FSTL4: variants seen among roughly 807,000 people sequenced by gnomAD.
The protein encoded by FSTL4 is follistatin like 4, also known as follistatin-related protein 4.
Under a neutral mutation model 78.2 loss-of-function variants are expected in FSTL4, and 28 were observed. The observed-to-expected ratio is 0.36, with a 90% CI of 0.27 to 0.49. The LOEUF is 0.49. Ranked by LOEUF, FSTL4 falls within the 20% of genes least tolerant of loss-of-function variation. The probability of loss-of-function intolerance (pLI) is 0.98; values close to 1 mark genes in which losing one functional copy is unlikely to be tolerated. For missense variants in FSTL4, 922 were observed against 1,084.9 expected (o/e 0.85, Z 2.11); for synonymous variants, 422 against 440.5 (o/e 0.96, Z 0.53).
At chr5:133,404,877 A>G (rs1367287215) in intron 3 of FSTL4, among the ~76,000 whole-genome samples, 1 of 152,100 alleles carries the variant, frequency 6.6e-6, no homozygotes, top group Non-Finnish European at 1.5e-5. Context: ...CCAAATACTG[A>G]CTCAGCCTCT....
the FSTL4 span, among the ~76,000 whole-genome samples, chr5:133,799,717 C>T: frequency 7.2e-6 from 1 of 138,594 alleles, no homozygotes; most frequent in Non-Finnish European, 1.6e-5. Flanking sequence ...AACGCCTCCC[C>T]CTCCTGGCCC....
chr5:133,786,885 G>A, the FSTL4 span, among the ~76,000 whole-genome samples: 1 of 152,216 alleles, frequency 6.6e-6, no homozygotes, highest in Non-Finnish European at 1.5e-5. Flanking sequence ...CACTCATGAG[G>A]TGGGGACTAT....
intron 14 of FSTL4, among the ~76,000 whole-genome samples, chr5:133,205,610 G>A (rs575369758): frequency 3.3e-5 from 5 of 152,122 alleles, no homozygotes; most frequent in East Asian, 1.9e-4. Flanking sequence ...GTTTCAATGC[G>A]CTTTAATTTG....
At chr5:133,582,586 C>T (rs1013338272) in intron 2 of FSTL4, among the ~76,000 whole-genome samples, 2 of 152,172 alleles carry the variant, frequency 1.3e-5, no homozygotes, top group African/African-American at 2.4e-5. Flanking sequence ...CAGTAGGCAA[C>T]AGCTGGGAGA....
intron 3 of FSTL4, among the ~76,000 whole-genome samples, chr5:133,442,008 C>A (rs552979139): frequency 1.3e-5 from 2 of 152,348 alleles, no homozygotes; most frequent in African/African-American, 4.8e-5. Flanking sequence ...GTAGGGACAG[C>A]CCCTGTCACA....
At chr5:133,690,646 T>A in the FSTL4 span, among the ~76,000 whole-genome samples, 4 of 152,186 alleles carry the variant, frequency 2.6e-5, no homozygotes, top group African/African-American at 9.7e-5. Flanking sequence ...TTTCTAAATA[T>A]AAAGATGCAG....
At chr5:133,597,821 G>A (rs1317585307) in intron 2 of FSTL4, among the ~76,000 whole-genome samples, 1 of 152,232 alleles carries the variant, frequency 6.6e-6, no homozygotes, top group Non-Finnish European at 1.5e-5. Flanking sequence ...CCTAGGGACA[G>A]AGATGGGATA....
At chr5:133,516,271 G>C (rs1437255014) in intron 3 of FSTL4, among the ~76,000 whole-genome samples, 1 of 151,606 alleles carries the variant, frequency 6.6e-6, no homozygotes, top group Non-Finnish European at 1.5e-5. Context: ...AAGAAGAGGA[G>C]AAAATTATCA....
intron 3 of FSTL4, among the ~76,000 whole-genome samples, chr5:133,414,534 A>G (rs1756539453): frequency 6.6e-6 from 1 of 152,232 alleles, no homozygotes; most frequent in African/African-American, 2.4e-5. Flanking sequence ...AGGTAAAGTC[A>G]GTCTCACAGC....
At chr5:133,555,213 T>C (rs141177696) in intron 3 of FSTL4, among the ~76,000 whole-genome samples, 1 of 152,366 alleles carries the variant, frequency 6.6e-6, no homozygotes, top group Non-Finnish European at 1.5e-5. Context: ...TATGGGATCA[T>C]TACATTGACA....
At chr5:133,375,291 C>CAT (rs3975738) in intron 4 of FSTL4, among the ~76,000 whole-genome samples, 4,855 of 57,884 alleles carry the variant, frequency 0.084, 702 homozygotes, top group African/African-American at 0.18. Flanking sequence ...GTGTGCATGG[C>CAT]ATATATATAT....
chr5:133,203,511 G>C (rs528068741), intron 14 of FSTL4, among the ~76,000 whole-genome samples: 1 of 152,312 alleles, frequency 6.6e-6, no homozygotes, highest in African/African-American at 2.4e-5. Context: ...CTGGGCTGGA[G>C]TGATGCAAGC....
At chr5:133,297,240 CAG>C (rs1753418144) in intron 6 of FSTL4, among the ~76,000 whole-genome samples, 1 of 152,212 alleles carries the variant, frequency 6.6e-6, no homozygotes, top group Non-Finnish European at 1.5e-5. Flanking sequence ...CCCTGCCAGA[CAG>C]AGGAAGAATC....
chr5:133,373,077 ATC>A (rs1419551113), intron 4 of FSTL4, among the ~76,000 whole-genome samples: 1 of 152,152 alleles, frequency 6.6e-6, no homozygotes, highest in Admixed American at 6.5e-5. Context: ...ATGAGAGAGG[ATC>A]TCTCTCTGCC....
At chr5:133,466,434 C>T (rs944319125) in intron 3 of FSTL4, among the ~76,000 whole-genome samples, 6 of 151,728 alleles carry the variant, frequency 4.0e-5, no homozygotes, top group Admixed American at 6.6e-5. Flanking sequence ...CCCAGCTACT[C>T]GGGAGGCTGA....
chr5:133,258,227 T>G (rs540715642), intron 6 of FSTL4, among the ~76,000 whole-genome samples: 30 of 152,348 alleles, frequency 2.0e-4, no homozygotes, highest in African/African-American at 6.7e-4. Flanking sequence ...TCTGTGTCAT[T>G]GTCTTGGTTA....
At chr5:133,391,882 A>G (rs1755859235) in intron 4 of FSTL4, among the ~76,000 whole-genome samples, 2 of 152,182 alleles carry the variant, frequency 1.3e-5, no homozygotes, top group South Asian at 4.1e-4. Context: ...ACTTGTCACC[A>G]TCACATAGAC....
chr5:133,321,151 G>T (rs557280140), intron 4 of FSTL4, among the ~76,000 whole-genome samples: 33 of 152,300 alleles, frequency 2.2e-4, no homozygotes, highest in Middle Eastern at 3.4e-3. Context: ...GAGGTGGGGG[G>T]TATGGGGGGA....
chr5:133,430,454 T>C (rs1580703788), intron 3 of FSTL4, among the ~76,000 whole-genome samples: 1 of 152,178 alleles, frequency 6.6e-6, no homozygotes, highest in African/African-American at 2.4e-5. Flanking sequence ...CAGTCTCCAA[T>C]TCATCACTAT....
Sources: allele counts gnomAD v4.1 joint callset (sites outside exome capture counted in the v4.1 genomes callset), GRCh38; gene constraint gnomAD v4.1.1; transcripts MANE v1.5; gene names NCBI Gene and HGNC (gene_info 2026-07-23, HGNC 2026-07-21).